Variants in DNAH5 observed in about 807,000 individuals in gnomAD.
DNAH5 encodes the protein dynein axonemal heavy chain 5.
DNAH5 carries 372 observed loss-of-function variants against 518.2 expected under a neutral mutation model. The observed-to-expected ratio is 0.72, with a 90% CI of 0.66 to 0.78. The LOEUF is 0.78. Among genes scored for constraint, DNAH5 ranks in the 30% least tolerant of loss-of-function variants. The pLI is 0.00. For synonymous variants in DNAH5, 2,039 were observed against 2,025.9 expected (o/e 1.01, Z -0.17); for missense variants, 5,523 against 5,687.0 (o/e 0.97, Z 0.93).
intron 1 of DNAH5, among the ~76,000 whole-genome samples, chr5:13,950,321 G>A (rs1408268996): frequency 6.6e-6 from 1 of 151,480 alleles, no homozygotes; most frequent in Non-Finnish European, 1.5e-5. Flanking sequence ...TTTTGCTCTT[G>A]TCTGGAGTGC....
intron 78 of DNAH5, 27 bp from the exon 79 acceptor site, chr5:13,692,162 T>A: frequency 6.2e-7 from 1 of 1,613,306 alleles, no homozygotes; most frequent in Non-Finnish European, 8.5e-7. Context: ...AGAAAAGAAC[T>A]TGGTGAAATT....
chr5:13,892,762 A>G (rs754346833), intron 16 of DNAH5, among the ~76,000 whole-genome samples: 3 of 152,166 alleles, frequency 2.0e-5, no homozygotes, highest in Non-Finnish European at 4.4e-5. Context: ...TATACATTTC[A>G]TAAGTGCCTC....
chr5:13,999,539 G>A (rs1784201398), intron 1 of DNAH5, among the ~76,000 whole-genome samples: 2 of 152,186 alleles, frequency 1.3e-5, no homozygotes, highest in Admixed American at 6.5e-5. Flanking sequence ...TTTTAAAACT[G>A]AATAGTATTC....
chr5:13,881,335 C>T (rs927731272), intron 21 of DNAH5, among the ~76,000 whole-genome samples: 19 of 151,960 alleles, frequency 1.3e-4, no homozygotes, highest in African/African-American at 3.9e-4. Context: ...AACAGAACAG[C>T]ATATACATTC....
intron 1 of DNAH5, among the ~76,000 whole-genome samples, chr5:14,011,423 A>G (rs192723706): frequency 1.5e-4 from 23 of 152,268 alleles, no homozygotes; most frequent in Non-Finnish European, 2.8e-4. Context: ...CTACCCCCTG[A>G]GGAAAAAAAC....
At chr5:13,938,923 T>C (rs1779210006) in intron 1 of DNAH5, among the ~76,000 whole-genome samples, 1 of 152,118 alleles carries the variant, frequency 6.6e-6, no homozygotes, top group Admixed American at 6.5e-5. Flanking sequence ...AAAAAGAAAA[T>C]TATTCAACGT....
chr5:13,866,429 G>A, intron 25 of DNAH5, 147 bp from the exon 26 acceptor site: 1 of 704,134 alleles, frequency 1.4e-6, no homozygotes, highest in Non-Finnish European at 2.3e-6. Context: ...GCCTCACAAA[G>A]TGATTCATTT....
intron 38 of DNAH5, among the ~76,000 whole-genome samples, chr5:13,827,242 T>G (rs1277764477): frequency 1.3e-5 from 2 of 152,150 alleles, no homozygotes; most frequent in African/African-American, 2.4e-5. Flanking sequence ...AACACCATTT[T>G]CTGAGGAGAA....
intron 46 of DNAH5, among the ~76,000 whole-genome samples, chr5:13,807,956 G>A (rs895707593): frequency 3.3e-5 from 5 of 152,094 alleles, no homozygotes; most frequent in East Asian, 1.9e-4. Context: ...GTGGCCAGGT[G>A]TGGTAGCTCA....
chr5:13,870,936 T>A lies in DNAH5; in HGVS notation c.3665A>T (p.Asn1222Ile), dbSNP rs770629081. 8 of 1,613,898 alleles carry A rather than the reference T, an allele frequency of 5.0e-6. No individual in the cohort carries two copies. In the South Asian group the frequency reaches 8.8e-5, roughly 18 times the overall value. The stretch of plus-strand genomic sequence containing the variant: ...TTCCATCTCACTCCGGTATTTTTTG[T>A]TACAGTGGCGTCCAATGACAACCAT... ...AWMVVIGRHC[N>I]KKYRSEMENI... The change falls in exon 24 of 79, where the codon AAC becomes ATC. Residue 1222 changes from asparagine to isoleucine, a missense_variant. By Grantham distance (149) the Asn-to-Ile change is moderately radical. Coordinates refer to ENST00000265104, the MANE Select transcript of DNAH5 (RefSeq NM_001369.3).
At chr5:13,777,480 T>C (rs1754282146) in intron 53 of DNAH5, 125 bp from the exon 54 acceptor site, 1 of 724,498 alleles carries the variant, frequency 1.4e-6, no homozygotes, top group Non-Finnish European at 2.3e-6. Flanking sequence ...CGTATACGTA[T>C]GTATTCTATA....
At chr5:13,734,854 T>G (rs1304877001) in intron 68 of DNAH5, among the ~76,000 whole-genome samples, 1 of 152,212 alleles carries the variant, frequency 6.6e-6, no homozygotes, top group Non-Finnish European at 1.5e-5. Flanking sequence ...ATTCATTTAT[T>G]ATTTTATTTT....
At chr5:13,909,369 C>A (rs1006408590) in intron 12 of DNAH5, among the ~76,000 whole-genome samples, 2 of 150,880 alleles carry the variant, frequency 1.3e-5, no homozygotes, top group African/African-American at 4.9e-5. Flanking sequence ...GAATGTGGCC[C>A]CTCTCTCTCT....
chr5:13,809,063 G>T lies in DNAH5; in HGVS notation c.7733C>A (p.Thr2578Asn). The change falls in exon 46 of 79, where the codon ACC (threonine) becomes AAC (asparagine). Residue 2578 changes from threonine to asparagine, a missense_variant. Around this residue, in one of 3 missense-constraint regions of DNAH5, gnomAD observed 5,121 missense variants for 5,223.3 expected, o/e 0.98. Transcript: ENST00000265104. Reference sequence around the variant, plus strand: ...TCATACCTTGCCCTGTTTAGCAATGGTTTGAATTAGAAAGTCAGTCCTCAC... The same window carrying T: ...TCATACCTTGCCCTGTTTAGCAATGTTTTGAATTAGAAAGTCAGTCCTCAC... ...DNVRTDFLIQ[T>N]IAKQGKAVLL... 6.2e-7 allele frequency: 1 copy of T among 1,614,182 alleles called. No individual in the cohort carries two copies. The highest frequency in any genetic ancestry group is 2.2e-5 in the East Asian group (1 of 44,886).
At chr5:14,009,592 C>G (rs1784976910) in intron 1 of DNAH5, among the ~76,000 whole-genome samples, 1 of 152,208 alleles carries the variant, frequency 6.6e-6, no homozygotes, top group Non-Finnish European at 1.5e-5. Context: ...CAATCTTGGA[C>G]TAGTGGCACT....
At chr5:13,711,148 A>T (rs1439618454) in intron 75 of DNAH5, among the ~76,000 whole-genome samples, 45 of 152,236 alleles carry the variant, frequency 3.0e-4, no homozygotes, top group Non-Finnish European at 1.0e-4. Context: ...ATCCAACAAC[A>T]TATCAAAAAG....
At chr5:13,896,207 A>T (rs1773901831) in intron 15 of DNAH5, among the ~76,000 whole-genome samples, 1 of 152,066 alleles carries the variant, frequency 6.6e-6, no homozygotes, top group South Asian at 2.1e-4. Context: ...ATGGTTACAT[A>T]GCCTCCCATT....
At chr5:13,849,963 T>A (rs1410000747) in intron 31 of DNAH5, among the ~76,000 whole-genome samples, 1 of 152,154 alleles carries the variant, frequency 6.6e-6, no homozygotes, top group African/African-American at 2.4e-5. Flanking sequence ...AGCTGGTTAT[T>A]CACAGGACAC....
chr5:13,791,640 T>C (rs1189531374), intron 50 of DNAH5, among the ~76,000 whole-genome samples: 1 of 152,186 alleles, frequency 6.6e-6, no homozygotes, highest in Non-Finnish European at 1.5e-5. Context: ...ATGAAGACTA[T>C]TATATAGTAA....
Sources: gnomAD v4.1 joint callset for allele counts (sites outside exome capture counted in the v4.1 genomes callset) on GRCh38, gnomAD v4.1.1 for gene constraint, gnomAD v4.1.1 regional missense constraint, MANE v1.5 for transcripts, NCBI Gene and HGNC (gene_info 2026-07-23, HGNC 2026-07-21) for gene names.